Variants in C19orf44 observed in about 807,000 individuals in gnomAD.
The protein encoded by C19orf44 is chromosome 19 open reading frame 44.
In C19orf44, 43 loss-of-function variants were observed where a neutral mutation model predicts 50.7. The observed-to-expected ratio is 0.85, with a 90% confidence interval of 0.66 to 1.09. The LOEUF (loss-of-function observed/expected upper bound fraction) is 1.09. Ranked by LOEUF, C19orf44 falls within the 50% of genes least tolerant of loss-of-function variation. The pLI is 0.00. For missense variants in C19orf44, 722 were observed against 836.2 expected (o/e 0.86, Z 1.68); for synonymous variants, 298 against 334.7 (o/e 0.89, Z 1.20).
At chr19:16,508,107 A>C (rs2093445705) in intron 4 of C19orf44, among the ~76,000 whole-genome samples, 1 of 145,286 alleles carries the variant, frequency 6.9e-6, no homozygotes, top group Admixed American at 6.9e-5. Context: ...GCCCGGCCTT[A>C]ATTATTATTT....
In C19orf44 at chr19:16,519,490, G is replaced by C; in HGVS notation, c.*41-604G>C. ...CCCGCAGGCCGGCCCTGTCTAGAGGGTCTGGGTGGAGTCAGAACCGGCCTG... is the reference window on the plus strand; with the variant it reads ...CCCGCAGGCCGGCCCTGTCTAGAGGCTCTGGGTGGAGTCAGAACCGGCCTG... On this transcript the variant is annotated intron_variant, in intron 8 of 8. Coordinates refer to ENST00000221671, the MANE Select transcript of C19orf44 (RefSeq NM_032207.4). The surrounding 1 kb of genome is among the most constrained non-coding windows in gnomAD (Gnocchi z 6.0). 1 of 1,254,948 alleles carries C rather than the reference G, an allele frequency of 8.0e-7. No individual in the cohort carries two copies. 77.7% of individuals were successfully genotyped at this position (1,254,948 alleles called of 1,614,324 possible).
chr19:16,513,359 G>T (rs2093463147), intron 6 of C19orf44, among the ~76,000 whole-genome samples: 1 of 152,110 alleles, frequency 6.6e-6, no homozygotes, highest in African/African-American at 2.4e-5. Context: ...TGATGCTTCT[G>T]TGCCCTGCAC....
intron 7 of C19orf44, among the ~76,000 whole-genome samples, chr19:16,515,806 T>C (rs1389684811): frequency 6.6e-6 from 1 of 151,042 alleles, no homozygotes; most frequent in Non-Finnish European, 1.5e-5. Flanking sequence ...AACTTTTTTT[T>C]TTCTTTTGAG....
chr19:16,503,517 C>T, intron 3 of C19orf44, 137 bp downstream of exon 3: 1 of 889,862 alleles, frequency 1.1e-6, no homozygotes, highest in Non-Finnish European at 1.7e-6. Context: ...AGCTTTCTAA[C>T]TTTCTTGTCT....
intron 3 of C19orf44, among the ~76,000 whole-genome samples, chr19:16,505,058 C>T (rs1341350654): frequency 4.6e-5 from 7 of 151,678 alleles, no homozygotes; most frequent in African/African-American, 1.2e-4. Flanking sequence ...ACCTTGTGAT[C>T]CGCCTGCCTC....
intron 1 of C19orf44, among the ~76,000 whole-genome samples, chr19:16,497,248 G>C (rs1376455472): frequency 6.7e-6 from 1 of 150,304 alleles, no homozygotes; most frequent in Non-Finnish European, 1.5e-5. Flanking sequence ...GCACCGGCCC[G>C]ATCTGCTTTC....
rs765597437 is a variant in C19orf44, at chr19:16,501,184, C to A, written c.392C>A (p.Ala131Asp). 6.2e-7 allele frequency: 1 copy of A among 1,613,994 alleles called. No homozygotes were observed. The highest frequency in any genetic ancestry group is 1.3e-5 in the African/African-American group (1 of 74,890). Residue 131 changes from alanine to aspartate, a missense_variant, in exon 2 of 9, where the codon GCT (alanine) becomes GAT (aspartate). Transcript: ENST00000221671. ...MTADAGLPKRADRILSGGALE... is the reference protein window; with the variant it reads ...MTADAGLPKRDDRILSGGALE... ...GCCGATGCTGGTCTTCCAAAGAGAGCTGACAGAATCCTCTCTGGGGGTGCA... is the reference window on the plus strand; with the variant it reads ...GCCGATGCTGGTCTTCCAAAGAGAGATGACAGAATCCTCTCTGGGGGTGCA...
chr19:16,513,379 G>A (rs140614865), intron 6 of C19orf44, among the ~76,000 whole-genome samples: 8 of 152,156 alleles, frequency 5.3e-5, no homozygotes, highest in African/African-American at 1.9e-4. Flanking sequence ...CCCCAACAAG[G>A]CCACTTTTTT....
At chr19:16,509,320 C>G (rs1420443128) in intron 4 of C19orf44, among the ~76,000 whole-genome samples, 179 bp from the exon 5 acceptor site, 1 of 152,194 alleles carries the variant, frequency 6.6e-6, no homozygotes, top group Non-Finnish European at 1.5e-5. Context: ...CGTGGACATG[C>G]CGTACTGAAG....
Position 16,503,310 on chromosome 19 carries a change from C to T in C19orf44, c.1005C>T (p.Ser335=). The change falls in exon 3 of 9, where the codon TCC becomes TCT. Residue 335 remains serine (S), a synonymous_variant. Coordinates refer to ENST00000221671, the MANE Select transcript of C19orf44 (RefSeq NM_032207.4). ...AGATGGGGCATGTCAAGCTTGTGTC[C>T]TCCCCGGGAAGGAGTGAGGCTGAGA... ...SLKMGHVKLV[S]SPGRSEAETV... The T allele has an allele frequency of 1.2e-6, 2 of 1,614,136 alleles. No homozygotes were observed. The highest frequency in any genetic ancestry group is 1.7e-6 in the Non-Finnish European group (2 of 1,180,030).
chr19:16,509,321 C>T (rs970273580), intron 4 of C19orf44, among the ~76,000 whole-genome samples, 178 bp from the exon 5 acceptor site: 10 of 152,130 alleles, frequency 6.6e-5, no homozygotes, highest in Non-Finnish European at 1.2e-4. Flanking sequence ...GTGGACATGC[C>T]GTACTGAAGA....
intron 4 of C19orf44, among the ~76,000 whole-genome samples, chr19:16,507,477 T>C (rs1215586954): frequency 6.7e-6 from 1 of 149,972 alleles, no homozygotes; most frequent in Non-Finnish European, 1.5e-5. Flanking sequence ...ATTATTATTA[T>C]TATTTTTTAT....
intron 8 of C19orf44, 32 bp downstream of exon 8, chr19:16,517,373 A>C: frequency 7.0e-7 from 1 of 1,420,452 alleles, no homozygotes. Flanking sequence ...GTGCACACAC[A>C]CGCACACAAA....
chr19:16,518,915 A>C, intron 8 of C19orf44: 1 of 552,976 alleles, frequency 1.8e-6, no homozygotes, highest in Admixed American at 3.6e-5. Flanking sequence ...AAGGAAAACG[A>C]GCCTGGGGCC....
Position 16,501,570 on chromosome 19 carries a change from G to A in C19orf44, c.759+19G>A. On this transcript the variant is annotated intron_variant, in intron 2 of 8. Transcript: ENST00000221671. ...ATTTTCGGTGAGATTTTTTTTTTTTGGTAAATTTATTTTAATTTATTTAAT... is the reference window on the plus strand; with the variant it reads ...ATTTTCGGTGAGATTTTTTTTTTTTAGTAAATTTATTTTAATTTATTTAAT... 2 of 1,169,636 alleles carry A rather than the reference G, an allele frequency of 1.7e-6. No homozygotes were observed. The highest frequency in any genetic ancestry group is 2.2e-6 in the Non-Finnish European group (2 of 893,496). The allele number at this position is 1,169,636 out of a possible 1,614,324, so 72.5% of individuals were successfully genotyped here. A position where few individuals can be genotyped will look rare whatever the true frequency, so the allele number is the denominator to read the frequency against.
intron 4 of C19orf44, among the ~76,000 whole-genome samples, chr19:16,508,473 C>T (rs968112017): frequency 8.5e-5 from 13 of 152,124 alleles, no homozygotes; most frequent in Non-Finnish European, 1.9e-4. Context: ...CTCACTTCAT[C>T]CTCGATGTCC....
At chr19:16,507,948 C>T (rs1301127822) in intron 4 of C19orf44, among the ~76,000 whole-genome samples, 1 of 151,834 alleles carries the variant, frequency 6.6e-6, no homozygotes, top group Non-Finnish European at 1.5e-5. Context: ...GGACTATAGG[C>T]GCCCACCACC....
chr19:16,514,248 C>T (rs1036629187), intron 6 of C19orf44, among the ~76,000 whole-genome samples: 18 of 151,836 alleles, frequency 1.2e-4, no homozygotes, highest in African/African-American at 1.7e-4. Context: ...TCTTGTGATC[C>T]GCCTGCCTCA....
rs1038037832 is a variant in C19orf44 at position 16,514,761 on chromosome 19, C to G, written c.1902+98C>G. On this transcript the variant is annotated intron_variant, in intron 7 of 8. Coordinates refer to ENST00000221671, the MANE Select transcript of C19orf44 (RefSeq NM_032207.4). ...ATATGGGCCGGGGCCTGGGCTCCAG[C>G]GCTCAGCCCAGGGCTGCAGGGATGC... is the stretch of plus-strand genomic sequence containing the variant. The G allele has an allele frequency of 9.0e-6, 12 of 1,336,720 alleles. No individual in the cohort carries two copies. In the Admixed American group the frequency reaches 3.0e-4, roughly 34 times the overall value. 82.8% of individuals were successfully genotyped at this position (1,336,720 alleles called of 1,614,324 possible). A position where few individuals can be genotyped will look rare whatever the true frequency, so the allele number is the denominator to read the frequency against.
Sources: gnomAD v4.1 joint callset for allele counts (sites outside exome capture counted in the v4.1 genomes callset) on GRCh38, gnomAD v4.1.1 for gene constraint, Gnocchi (gnomAD v3.1) non-coding constraint, MANE v1.5 for transcripts, NCBI Gene and HGNC (gene_info 2026-07-23, HGNC 2026-07-21) for gene names.